NTM: variants seen among roughly 807,000 people sequenced by gnomAD.
NTM encodes the protein neurotrimin.
NTM carries 13 observed loss-of-function variants against 42.1 expected under a neutral mutation model. The ratio of observed to expected loss-of-function variants is 0.31; its 90% CI spans 0.20 to 0.49. The LOEUF (loss-of-function observed/expected upper bound fraction) is 0.49. Ranked by LOEUF, NTM falls within the 20% of genes least tolerant of loss-of-function variation. The probability of loss-of-function intolerance (pLI) is 0.99; values close to 1 mark genes in which losing one functional copy is unlikely to be tolerated. For missense variants in NTM, 373 were observed against 452.8 expected (o/e 0.82, Z 1.60); for synonymous variants, 187 against 179.2 (o/e 1.04, Z -0.35).
chr11:131,886,954 C>T (rs753379093), intron 1 of NTM, among the ~76,000 whole-genome samples: 34 of 152,188 alleles, frequency 2.2e-4, no homozygotes, highest in Non-Finnish European at 1.3e-4. Flanking sequence ...GCTCCGCAAG[C>T]GAGCACTACC....
At chr11:131,882,470 C>A (rs1047668456) in intron 1 of NTM, among the ~76,000 whole-genome samples, 1 of 152,228 alleles carries the variant, frequency 6.6e-6, no homozygotes. Context: ...TTTAAAAACA[C>A]CTGCCCATGA....
At chr11:131,438,809 C>G (rs1267686967) in intron 1 of NTM, among the ~76,000 whole-genome samples, 1 of 152,220 alleles carries the variant, frequency 6.6e-6, no homozygotes, top group Non-Finnish European at 1.5e-5. Context: ...CATTCTCCAT[C>G]CAGCTTTGTT....
chr11:131,608,636 G>GTCCATGGAACATA (rs1220712333), intron 1 of NTM, among the ~76,000 whole-genome samples: 2 of 152,094 alleles, frequency 1.3e-5, no homozygotes, highest in Admixed American at 1.3e-4. Context: ...CTGGGAACAT[G>GTCCATGGAACATA]TCCATTCCCG....
chr11:131,929,153 G>C (rs1283352350), intron 2 of NTM, among the ~76,000 whole-genome samples: 8 of 142,382 alleles, frequency 5.6e-5, no homozygotes, highest in African/African-American at 2.5e-4. Flanking sequence ...AGCCAGGGAG[G>C]GAAAGGAGGA....
At chr11:131,900,869 T>C (rs2053058991) in intron 1 of NTM, among the ~76,000 whole-genome samples, 1 of 152,258 alleles carries the variant, frequency 6.6e-6, no homozygotes, top group Non-Finnish European at 1.5e-5. Flanking sequence ...TTCCTATTTT[T>C]TCTAATACCC....
At chr11:132,111,222 G>A (rs991624901) in intron 2 of NTM, among the ~76,000 whole-genome samples, 8 of 150,930 alleles carry the variant, frequency 5.3e-5, no homozygotes, top group African/African-American at 1.9e-4. Context: ...AAATTTATGT[G>A]CATGCCTATG....
chr11:131,978,085 CT>C (rs2064683051), intron 2 of NTM, among the ~76,000 whole-genome samples: 1 of 152,120 alleles, frequency 6.6e-6, no homozygotes, highest in Non-Finnish European at 1.5e-5. Context: ...GTCAGATGAG[CT>C]GAGCTGTACC....
chr11:131,862,494 C>T (rs569514331), intron 1 of NTM, among the ~76,000 whole-genome samples: 21 of 152,264 alleles, frequency 1.4e-4, no homozygotes, highest in African/African-American at 4.8e-4. Context: ...CTAGACAGTA[C>T]TAATCTTGAG....
At chr11:132,083,844 C>T (rs1415810949) in intron 2 of NTM, among the ~76,000 whole-genome samples, 3 of 152,136 alleles carry the variant, frequency 2.0e-5, no homozygotes, top group African/African-American at 7.2e-5. Flanking sequence ...TTTTCAAACT[C>T]TAGAGGATCC....
intron 4 of NTM, among the ~76,000 whole-genome samples, chr11:132,258,720 T>C (rs936555926): frequency 6.6e-6 from 1 of 152,244 alleles, no homozygotes; most frequent in Non-Finnish European, 1.5e-5. Flanking sequence ...GAGCCTTTTG[T>C]GTGGCCCACT....
chr11:131,942,218 C>G (rs2059871760), intron 2 of NTM, among the ~76,000 whole-genome samples: 1 of 152,200 alleles, frequency 6.6e-6, no homozygotes, highest in Admixed American at 6.5e-5. Flanking sequence ...GGGCCAGCTG[C>G]TGTAATAACA....
intron 2 of NTM, among the ~76,000 whole-genome samples, chr11:132,110,731 G>C (rs1275586837): frequency 6.6e-6 from 1 of 151,888 alleles, no homozygotes; most frequent in East Asian, 1.9e-4. Context: ...CTCACTTTCT[G>C]TCACAAGAGA....
chr11:131,955,223 C>T (rs899064342), intron 2 of NTM, among the ~76,000 whole-genome samples: 2 of 152,170 alleles, frequency 1.3e-5, no homozygotes, highest in Non-Finnish European at 2.9e-5. Flanking sequence ...CCAATGCTAC[C>T]TATTATCATT....
At chr11:131,906,615 C>T (rs999333320) in intron 1 of NTM, among the ~76,000 whole-genome samples, 3 of 152,176 alleles carry the variant, frequency 2.0e-5, no homozygotes, top group South Asian at 2.1e-4. Context: ...ACCTGCCTTT[C>T]GCTGCGTCGG....
chr11:131,598,654 A>G (rs1052327496), intron 1 of NTM, among the ~76,000 whole-genome samples: 2 of 151,776 alleles, frequency 1.3e-5, no homozygotes, highest in Non-Finnish European at 2.9e-5. Flanking sequence ...CTACAGCAGC[A>G]AAGAGAACTA....
intron 1 of NTM, among the ~76,000 whole-genome samples, chr11:131,751,988 C>T (rs1026087916): frequency 2.6e-5 from 4 of 152,124 alleles, no homozygotes; most frequent in Admixed American, 2.6e-4. Context: ...CAGAAGCCAA[C>T]ATTGACGTAA....
intron 1 of NTM, among the ~76,000 whole-genome samples, chr11:131,518,375 T>A (rs1018533531): frequency 6.6e-6 from 1 of 152,216 alleles, no homozygotes; most frequent in African/African-American, 2.4e-5. Context: ...GTCCTCATTC[T>A]GCACGTGGGC....
intron 1 of NTM, among the ~76,000 whole-genome samples, chr11:131,777,859 G>A (rs2087326670): frequency 6.6e-6 from 1 of 152,218 alleles, no homozygotes; most frequent in African/African-American, 2.4e-5. Flanking sequence ...AATCATAAAG[G>A]GAATTGATAA....
At chr11:132,101,377 A>G (rs1211550063) in intron 2 of NTM, among the ~76,000 whole-genome samples, 1 of 152,182 alleles carries the variant, frequency 6.6e-6, no homozygotes, top group African/African-American at 2.4e-5. Context: ...TCTTGGTACC[A>G]GTGACCTTCA....
Sources: allele counts gnomAD v4.1 joint callset (sites outside exome capture counted in the v4.1 genomes callset), GRCh38; gene constraint gnomAD v4.1.1; transcripts MANE v1.5; gene names NCBI Gene and HGNC (gene_info 2026-07-23, HGNC 2026-07-21).